ATP13A4: variants seen among roughly 807,000 people sequenced by gnomAD.
ATP13A4 encodes the protein probable cation-transporting ATPase 13A4.
A neutral mutation model predicts 142.5 loss-of-function variants in ATP13A4; 114 were observed. The observed-to-expected ratio is 0.80, with a 90% confidence interval of 0.69 to 0.93. ATP13A4 has a LOEUF of 0.93. Among genes scored for constraint, ATP13A4 ranks in the 40% least tolerant of loss-of-function variants. The probability of loss-of-function intolerance (pLI) is 0.00; values close to 1 mark genes in which losing one functional copy is unlikely to be tolerated. For missense variants in ATP13A4, 1,392 were observed against 1,454.0 expected (o/e 0.96, Z 0.69); for synonymous variants, 488 against 514.8 (o/e 0.95, Z 0.70).
chr3:193,457,082 A>T lies in ATP13A4; in HGVS notation c.1833T>A (p.Ile611=), dbSNP rs1341257790. Residue 611 remains isoleucine, a synonymous_variant, in exon 16 of 30, where the codon ATT becomes ATA. Coordinates refer to ENST00000342695, the MANE Select transcript of ATP13A4 (RefSeq NM_032279.4). ...GTCGGTCACCTCCCATCTCTTGGAC[A>T]ATGACTGTCATTCTTTGCAGTGCCG... ...FSSALQRMTV[I]VQEMGGDRLA... is the part of the protein sequence containing the mutation. 5 of 1,613,852 alleles carry T rather than the reference A, an allele frequency of 3.1e-6. No homozygotes were observed. Among genetic ancestry groups the T allele is most frequent in the Non-Finnish European group, 4.2e-6 (5 of 1,180,046 alleles).
chr3:193,462,725 C>T, intron 13 of ATP13A4, 37 bp downstream of exon 13: 1 of 1,582,446 alleles, frequency 6.3e-7, no homozygotes, highest in Non-Finnish European at 8.7e-7. Flanking sequence ...AAAAGAGACA[C>T]TAGAATGCAT....
intron 5 of ATP13A4, among the ~76,000 whole-genome samples, chr3:193,492,597 G>A (rs1720002352): frequency 6.6e-6 from 1 of 152,066 alleles, no homozygotes; most frequent in Admixed American, 6.6e-5. Context: ...CATTACATCT[G>A]CAGTCAGGAG....
chr3:193,520,188 G>A (rs1467997880), intron 1 of ATP13A4, among the ~76,000 whole-genome samples: 2 of 152,092 alleles, frequency 1.3e-5, no homozygotes, highest in African/African-American at 4.8e-5. Flanking sequence ...GGAAAGGGAG[G>A]GAGAGAGGGA....
At chr3:193,523,950 C>T (rs1026007333) in intron 1 of ATP13A4, among the ~76,000 whole-genome samples, 1 of 152,122 alleles carries the variant, frequency 6.6e-6, no homozygotes, top group Non-Finnish European at 1.5e-5. Flanking sequence ...CTCAGTTTCT[C>T]TTTCTTGCTT....
At chr3:193,509,289 A>G (rs79112467) in intron 2 of ATP13A4, among the ~76,000 whole-genome samples, 2,820 of 152,240 alleles carry the variant, frequency 0.019, 104 homozygotes, top group African/African-American at 0.066. Flanking sequence ...AGCCTTTCCT[A>G]AGGAGTACTT....
At chr3:193,470,729 A>G in intron 9 of ATP13A4, 130 bp downstream of exon 9, 2 of 1,304,264 alleles carry the variant, frequency 1.5e-6, no homozygotes, top group South Asian at 1.2e-5. Context: ...GGCAACGGGA[A>G]GGTCCCATAG....
intron 25 of ATP13A4, among the ~76,000 whole-genome samples, chr3:193,420,321 C>T (rs528203175): frequency 6.7e-6 from 1 of 150,110 alleles, no homozygotes; most frequent in African/African-American, 2.4e-5. Flanking sequence ...TGCATCTTCT[C>T]GGAATCAGAG....
At chr3:193,444,563 A>G (rs777763774) in intron 18 of ATP13A4, among the ~76,000 whole-genome samples, 2 of 152,242 alleles carry the variant, frequency 1.3e-5, no homozygotes, top group African/African-American at 4.8e-5. Context: ...AATTTTCTTT[A>G]CTCATGTTCT....
chr3:193,407,200 G>C, intron 29 of ATP13A4, 113 bp downstream of exon 29: 1 of 869,136 alleles, frequency 1.2e-6, no homozygotes. Flanking sequence ...GGGAGCCCCT[G>C]CACTGCTGAG....
At chr3:193,412,393 G>T (rs1714815356) in intron 26 of ATP13A4, 22 bp from the exon 27 acceptor site, 2 of 1,607,846 alleles carry the variant, frequency 1.2e-6, no homozygotes, top group Admixed American at 1.7e-5. Context: ...AACCAAAGAA[G>T]CTAATGAAGT....
intron 1 of ATP13A4, among the ~76,000 whole-genome samples, chr3:193,520,647 G>A (rs2108689803): frequency 6.6e-6 from 1 of 152,260 alleles, no homozygotes; most frequent in East Asian, 1.9e-4. Context: ...AATCACTTTA[G>A]TGTGAATTGT....
intron 1 of ATP13A4, among the ~76,000 whole-genome samples, chr3:193,538,006 C>T (rs575249753): frequency 2.0e-5 from 3 of 152,024 alleles, no homozygotes; most frequent in Non-Finnish European, 4.4e-5. Flanking sequence ...GGAGTTTCCT[C>T]GCGGTGATGG....
intron 25 of ATP13A4, among the ~76,000 whole-genome samples, chr3:193,430,655 G>A (rs183562858): frequency 6.6e-6 from 1 of 152,154 alleles, no homozygotes; most frequent in East Asian, 1.9e-4. Context: ...AAAAGGAATA[G>A]CCAATGCAAG....
At chr3:193,520,241 G>A (rs1721647875) in intron 1 of ATP13A4, among the ~76,000 whole-genome samples, 4 of 152,080 alleles carry the variant, frequency 2.6e-5, no homozygotes, top group South Asian at 4.1e-4. Flanking sequence ...TAATAAACCC[G>A]TACTCTCCTT....
At chr3:193,429,131 TA>T (rs1367660501) in intron 25 of ATP13A4, among the ~76,000 whole-genome samples, 1 of 152,072 alleles carries the variant, frequency 6.6e-6, no homozygotes, top group Non-Finnish European at 1.5e-5. Context: ...TTAGGATGGT[TA>T]AAATAATCTT....
chr3:193,484,121 A>G (rs1719466967), intron 7 of ATP13A4, 116 bp from the exon 8 acceptor site: 2 of 878,096 alleles, frequency 2.3e-6, no homozygotes, highest in Non-Finnish European at 3.8e-6. Flanking sequence ...GTTGAATGGA[A>G]TGTACTGGCT....
intron 2 of ATP13A4, among the ~76,000 whole-genome samples, chr3:193,566,993 C>G (rs1724148880): frequency 6.6e-6 from 1 of 152,150 alleles, no homozygotes; most frequent in Non-Finnish European, 1.5e-5. Flanking sequence ...AAAACAGATA[C>G]TTTCGTTATT....
chr3:193,521,630 A>G (rs1226579395), intron 1 of ATP13A4, among the ~76,000 whole-genome samples: 1 of 152,080 alleles, frequency 6.6e-6, no homozygotes, highest in East Asian at 1.9e-4. Flanking sequence ...ACTTTGCTGA[A>G]CCCTTAAAAA....
chr3:193,514,671 C>T (rs1370201684), intron 2 of ATP13A4, 27 bp downstream of exon 2: 2 of 1,593,912 alleles, frequency 1.3e-6, no homozygotes, highest in African/African-American at 1.3e-5. Flanking sequence ...AGGGGGGCAC[C>T]AGCGACATAA....
Sources: gnomAD v4.1 joint callset for allele counts (sites outside exome capture counted in the v4.1 genomes callset) on GRCh38, gnomAD v4.1.1 for gene constraint, MANE v1.5 for transcripts, NCBI Gene and HGNC (gene_info 2026-07-23, HGNC 2026-07-21) for gene names.